The following FRMD8 variants were observed in gnomAD, a reference collection of about 807,000 sequenced individuals.
FRMD8 encodes the protein FERM domain-containing protein 8.
Under a neutral mutation model 54.2 loss-of-function variants are expected in FRMD8, and 37 were observed. The observed-to-expected ratio is 0.68, with a 90% CI of 0.53 to 0.90. The LOEUF is 0.90. Among genes scored for constraint, FRMD8 ranks in the 40% least tolerant of loss-of-function variants. FRMD8 has a pLI of 0.00. For synonymous variants in FRMD8, 246 were observed against 286.9 expected, an observed-to-expected ratio of 0.86 and a Z score of 1.44; for missense variants, 585 against 653.7, an observed-to-expected ratio of 0.89 and a Z score of 1.15.
chr11:65,410,746 T>C (rs967142502), intron 10 of FRMD8, among the ~76,000 whole-genome samples: 3 of 152,000 alleles, frequency 2.0e-5, no homozygotes, highest in Non-Finnish European at 2.9e-5. Flanking sequence ...GCCGAGATAG[T>C]GCCACTGCAC....
At chr11:65,368,426 G>T in the FRMD8 span, among the ~76,000 whole-genome samples, 3 of 152,078 alleles carry the variant, frequency 2.0e-5, no homozygotes, top group South Asian at 6.2e-4. Flanking sequence ...TTCCAGGCTG[G>T]TCTCAAACCC....
chr11:65,394,208 C>A (rs777530435), intron 5 of FRMD8, 51 bp from the exon 6 acceptor site: 1 of 1,591,876 alleles, frequency 6.3e-7, no homozygotes, highest in Non-Finnish European at 8.6e-7. Context: ...CTGAGCAGCT[C>A]TCCCTGCCCC....
Position 65,400,583 on chromosome 11 carries a change from C to T in FRMD8, c.928-141C>T, listed in dbSNP as rs1287322195. 1 of 833,194 alleles carries T rather than the reference C, an allele frequency of 1.2e-6. No homozygotes were observed. Among genetic ancestry groups the T allele is most frequent in the Non-Finnish European group, 1.7e-6 (1 of 574,572 alleles). 51.6% of individuals were successfully genotyped at this position (833,194 alleles called of 1,614,324 possible). On this transcript the variant is annotated intron_variant, in intron 8 of 10. Coordinates refer to ENST00000317568, the MANE Select transcript of FRMD8 (RefSeq NM_031904.5). This position sits in a 1 kb window ranked among gnomAD's most constrained non-coding sequence, Gnocchi z 4.3. Reference sequence around the variant, plus strand: ...GCAGGCTCTGATGAAAGCTGAGGCTCTCTCCTTACAGAAACACATGAACAA... The same window carrying T: ...GCAGGCTCTGATGAAAGCTGAGGCTTTCTCCTTACAGAAACACATGAACAA...
chr11:65,386,293 T>C (rs1247375335), upstream of FRMD8, among the ~76,000 whole-genome samples: 6 of 152,226 alleles, frequency 3.9e-5, no homozygotes, highest in Non-Finnish European at 8.8e-5. Context: ...CAGCGCCGCA[T>C]GGATCCCTGG....
At chr11:65,369,094 G>T in the FRMD8 span, among the ~76,000 whole-genome samples, 1 of 152,154 alleles carries the variant, frequency 6.6e-6, no homozygotes, top group East Asian at 1.9e-4. Context: ...CTAACATAAT[G>T]GAAGGCAAAT....
At position 65,396,792 on chromosome 11, in the gene FRMD8, T is replaced by A. The variant is rs1855964425; in HGVS notation, c.582-7T>A. The A allele has an allele frequency of 1.3e-6, 2 of 1,508,390 alleles. No homozygotes were observed. The highest frequency in any genetic ancestry group is 1.4e-5 in the African/African-American group (1 of 70,682). The allele number at this position is 1,508,390 out of a possible 1,614,324, so 93.4% of individuals were successfully genotyped here. A position where few individuals can be genotyped will look rare whatever the true frequency, so the allele number is the denominator to read the frequency against. On this transcript the variant is annotated splice_region_variant and splice_polypyrimidine_tract_variant and intron_variant, in intron 6 of 10. Coordinates refer to ENST00000317568, the MANE Select transcript of FRMD8 (RefSeq NM_031904.5). ...GGCCGCTAGCACCTGTCTTCCTTCC[T>A]CCACAGGGAGAAGCTGGACTCCTTC...
chr11:65,390,649 C>T (rs934837965), intron 3 of FRMD8, among the ~76,000 whole-genome samples: 1 of 152,110 alleles, frequency 6.6e-6, no homozygotes, highest in Non-Finnish European at 1.5e-5. Flanking sequence ...TCCTCGGCCA[C>T]CTCATGCCCA....
intron 3 of FRMD8, 31 bp downstream of exon 3, chr11:65,389,559 G>A: frequency 1.3e-6 from 2 of 1,541,948 alleles, no homozygotes; most frequent in South Asian, 1.2e-5. Flanking sequence ...GCCCAGGCTG[G>A]AGGGTTGGAA....
chr11:65,387,332 A>G, intron 2 of FRMD8: 1 of 659,012 alleles, frequency 1.5e-6, no homozygotes, highest in Non-Finnish European at 2.7e-6. Flanking sequence ...TTGTAAAATG[A>G]GCTTGTTTAA....
Position 65,386,828 on chromosome 11 carries a change from G to C in FRMD8, c.-1+67G>C, listed in dbSNP as rs1590644656. On this transcript the variant is annotated intron_variant, in intron 1 of 10. Coordinates refer to ENST00000317568, the MANE Select transcript of FRMD8 (RefSeq NM_031904.5). ...CTGGGCGTGCGCCTTGCCCTGCCTGGGCATCCAGGTCGACCCCCGGTTCTT... is the reference window on the plus strand; with the variant it reads ...CTGGGCGTGCGCCTTGCCCTGCCTGCGCATCCAGGTCGACCCCCGGTTCTT... 5 of 566,630 alleles carry C rather than the reference G, an allele frequency of 8.8e-6. No homozygotes were observed. The East Asian group carries it at 1.5e-4, about 17-fold the overall frequency. 35.1% of individuals were successfully genotyped at this position (566,630 alleles called of 1,614,324 possible). A position where few individuals can be genotyped will look rare whatever the true frequency, so the allele number is the denominator to read the frequency against.
upstream of FRMD8, among the ~76,000 whole-genome samples, chr11:65,383,996 G>A (rs1313294003): frequency 6.6e-6 from 1 of 152,082 alleles, no homozygotes; most frequent in East Asian, 1.9e-4. Flanking sequence ...CAGCAGTCGG[G>A]CTAATTGATG....
intron 10 of FRMD8, among the ~76,000 whole-genome samples, chr11:65,406,617 C>A (rs1856203188): frequency 6.6e-6 from 1 of 151,792 alleles, no homozygotes; most frequent in African/African-American, 2.4e-5. Flanking sequence ...CGTGAAACAT[C>A]ACACCAAGCC....
chr11:65,371,775 C>G, the FRMD8 span, among the ~76,000 whole-genome samples: 1 of 151,528 alleles, frequency 6.6e-6, no homozygotes, highest in Non-Finnish European at 1.5e-5. Context: ...CCACCATGCC[C>G]GGCTAATTTT....
At position 65,394,273 on chromosome 11, in the gene FRMD8, G is replaced by T. The variant is rs1365013834; in HGVS notation, c.429G>T (p.Glu143Asp). Residue 143 changes from glutamate (E) to aspartate (D), a missense_variant, in exon 6 of 11, where the codon GAG becomes GAT. Glu to Asp is a conservative substitution (Grantham distance 45, BLOSUM62 2). Coordinates refer to ENST00000317568, the MANE Select transcript of FRMD8 (RefSeq NM_031904.5). ...CCCCCCTGCAGATCCATGACGAGGAGGTCCTGCGGCTGCTCTATGAGGAGG... is the reference window on the plus strand; with the variant it reads ...CCCCCCTGCAGATCCATGACGAGGATGTCCTGCGGCTGCTCTATGAGGAGG... ...KRRELQIHDE[E>D]VLRLLYEEAK... 3 of 1,600,030 alleles carry T rather than the reference G, an allele frequency of 1.9e-6. No individual in the cohort carries two copies. In the South Asian group the frequency reaches 3.4e-5, roughly 18 times the overall value.
chr11:65,398,595 A>G (rs796381985), intron 7 of FRMD8, among the ~76,000 whole-genome samples: 6 of 152,284 alleles, frequency 3.9e-5, no homozygotes, highest in African/African-American at 1.4e-4. Context: ...CTGGTGGGCG[A>G]GCGTGAGCAG....
chr11:65,374,363 T>TGCCCAGGTGG, the FRMD8 span, among the ~76,000 whole-genome samples: 7 of 152,094 alleles, frequency 4.6e-5, no homozygotes, highest in African/African-American at 4.8e-5. Flanking sequence ...GGTAGCTAAG[T>TGCCCAGGTGG]AACTGGACAC....
chr11:65,382,333 C>T, upstream of FRMD8: 2 of 277,582 alleles, frequency 7.2e-6, no homozygotes, highest in South Asian at 9.0e-5. The surrounding 1 kb of genome is among the most constrained non-coding windows in gnomAD (Gnocchi z 4.4). Flanking sequence ...AGCCCAGCTC[C>T]ACTCCCATTC....
upstream of FRMD8, among the ~76,000 whole-genome samples, chr11:65,385,041 A>G (rs934296950): frequency 6.6e-6 from 1 of 152,024 alleles, no homozygotes; most frequent in Non-Finnish European, 1.5e-5. Context: ...TAACTCACCA[A>G]TTAAACCACA....
the FRMD8 span, among the ~76,000 whole-genome samples, chr11:65,368,662 C>T: frequency 6.6e-6 from 1 of 152,152 alleles, no homozygotes; most frequent in Non-Finnish European, 1.5e-5. Flanking sequence ...CTCCCGGGTT[C>T]ACGCCATTCT....
Sources: allele counts gnomAD v4.1 joint callset (sites outside exome capture counted in the v4.1 genomes callset), GRCh38; gene constraint gnomAD v4.1.1; non-coding constraint Gnocchi (gnomAD v3.1); transcripts MANE v1.5; gene names NCBI Gene and HGNC (gene_info 2026-07-23, HGNC 2026-07-21).